USH2A: variants seen among roughly 807,000 people sequenced by gnomAD.
USH2A encodes usherin.
A neutral mutation model predicts 538.9 loss-of-function variants in USH2A; 443 were observed. That is an observed-to-expected ratio of 0.82 (90% CI 0.76 to 0.89). The LOEUF is 0.89. Ranked by LOEUF, USH2A falls within the 40% of genes least tolerant of loss-of-function variation. USH2A has a pLI of 0.00. For synonymous variants in USH2A, 2,413 were observed against 2,273.5 expected (o/e 1.06, Z -1.75); for missense variants, 6,633 against 6,324.8 (o/e 1.05, Z -1.65).
intron 50 of USH2A, among the ~76,000 whole-genome samples, chr1:215,797,427 C>A (rs1386984976): frequency 6.6e-6 from 1 of 152,076 alleles, no homozygotes; most frequent in Non-Finnish European, 1.5e-5. Context: ...AAGAAGATGC[C>A]AACTAGAGCT....
chr1:216,242,189 T>TAA lies in USH2A; in HGVS notation c.2809+4394_2809+4395dup, dbSNP rs11435772. ...ACACGGTGAAACCCCATCTCTGCTT[T>TAA]AAAAAAAAAAAAAATACAAAAAATT... On this transcript the variant is annotated intron_variant, in intron 13 of 71. Transcript: ENST00000307340. Among the ~76,000 whole-genome samples, 643 of 146,538 alleles carry TAA rather than the reference T, an allele frequency of 4.4e-3. 14 individuals are homozygous for TAA. Among genetic ancestry groups the TAA allele is most frequent in the African/African-American group, 3.9e-3 (156 of 39,994 alleles).
intron 38 of USH2A, among the ~76,000 whole-genome samples, chr1:215,912,453 G>GTATATATATATATA (rs780000613): frequency 3.7e-4 from 16 of 42,972 alleles, no homozygotes; most frequent in African/African-American, 8.6e-4. Context: ...GTAGGTATGT[G>GTATATATATATATA]TATATATATA....
intron 32 of USH2A, among the ~76,000 whole-genome samples, chr1:216,030,078 G>T (rs1669066163): frequency 7.0e-6 from 1 of 141,922 alleles, no homozygotes; most frequent in African/African-American, 2.6e-5. Context: ...TATAATATAT[G>T]ATATATATGA....
At chr1:216,302,623 G>C (rs1014594107) in intron 9 of USH2A, among the ~76,000 whole-genome samples, 1 of 152,032 alleles carries the variant, frequency 6.6e-6, no homozygotes, top group Non-Finnish European at 1.5e-5. Flanking sequence ...GGACAATACT[G>C]ATCAAACATA....
chr1:215,904,721 C>T (rs749972490), intron 38 of USH2A, among the ~76,000 whole-genome samples: 1 of 152,024 alleles, frequency 6.6e-6, no homozygotes, highest in Non-Finnish European at 1.5e-5. Flanking sequence ...CCTGAATCAA[C>T]ACATCTTGTC....
At chr1:216,238,994 G>A (rs2035881885) in intron 13 of USH2A, among the ~76,000 whole-genome samples, 1 of 151,902 alleles carries the variant, frequency 6.6e-6, no homozygotes, top group South Asian at 2.1e-4. Flanking sequence ...ACATTTTACT[G>A]TGCACATTGC....
intron 32 of USH2A, among the ~76,000 whole-genome samples, chr1:216,017,153 C>T (rs1013901955): frequency 6.6e-6 from 1 of 151,958 alleles, no homozygotes; most frequent in African/African-American, 2.4e-5. Context: ...TTCATCCATC[C>T]ATCCCTTCCT....
intron 48 of USH2A, among the ~76,000 whole-genome samples, 182 bp downstream of exon 48, chr1:215,816,815 A>G (rs971830973): frequency 6.6e-6 from 1 of 152,096 alleles, no homozygotes; most frequent in African/African-American, 2.4e-5. Flanking sequence ...AAAAATGGGA[A>G]GGCTAAAGTG....
chr1:216,227,591 A>G (rs1572068804), intron 14 of USH2A, among the ~76,000 whole-genome samples: 3 of 152,334 alleles, frequency 2.0e-5, no homozygotes, highest in African/African-American at 7.2e-5. Context: ...AGGACTGGGA[A>G]CAGGTTATTT....
intron 3 of USH2A, among the ~76,000 whole-genome samples, chr1:216,393,349 A>G (rs934506177): frequency 1.3e-5 from 2 of 152,368 alleles, no homozygotes; most frequent in Middle Eastern, 3.4e-3. Flanking sequence ...AATTTAATCA[A>G]GGAAGTTCCT....
intron 60 of USH2A, among the ~76,000 whole-genome samples, chr1:215,731,748 T>C (rs1424806223): frequency 6.6e-6 from 1 of 152,156 alleles, no homozygotes; most frequent in Non-Finnish European, 1.5e-5. Flanking sequence ...TCAAAAGCAA[T>C]TAAAACAAAA....
chr1:215,728,003 G>A, intron 61 of USH2A, 27 bp downstream of exon 61: 7 of 1,606,094 alleles, frequency 4.4e-6, no homozygotes, highest in African/African-American at 1.3e-5. Flanking sequence ...TAATCTGCAT[G>A]TCTGTTACTT....
chr1:216,074,283 G>T (rs1431733421), intron 27 of USH2A, among the ~76,000 whole-genome samples: 1 of 150,878 alleles, frequency 6.6e-6, no homozygotes, highest in Non-Finnish European at 1.5e-5. Context: ...CACGAAATTG[G>T]GACAAACAGG....
At chr1:216,371,533 C>A (rs1443347719) in intron 3 of USH2A, among the ~76,000 whole-genome samples, 1 of 152,150 alleles carries the variant, frequency 6.6e-6, no homozygotes, top group Admixed American at 6.5e-5. Context: ...CTGCTTACAT[C>A]AACAGCTAAT....
intron 61 of USH2A, among the ~76,000 whole-genome samples, chr1:215,681,585 A>C (rs1658232721): frequency 6.6e-6 from 1 of 152,222 alleles, no homozygotes; most frequent in Non-Finnish European, 1.5e-5. Context: ...AACATCAGAA[A>C]AAATTATGTG....
intron 38 of USH2A, among the ~76,000 whole-genome samples, chr1:215,904,332 C>G (rs1449493199): frequency 1.3e-5 from 2 of 152,078 alleles, no homozygotes; most frequent in East Asian, 1.9e-4. Context: ...CACGAATTCT[C>G]TTCTGAGTAA....
chr1:215,692,276 T>G (rs559061202), intron 61 of USH2A, among the ~76,000 whole-genome samples: 39 of 152,196 alleles, frequency 2.6e-4, no homozygotes, highest in South Asian at 1.9e-3. Context: ...TATATTCTTT[T>G]GAGAAGTTTG....
intron 21 of USH2A, among the ~76,000 whole-genome samples, chr1:216,102,008 T>C (rs952467790): frequency 6.6e-6 from 1 of 152,156 alleles, no homozygotes; most frequent in East Asian, 1.9e-4. Context: ...AGGCAAAGAA[T>C]TCTTAAACGA....
intron 13 of USH2A, among the ~76,000 whole-genome samples, chr1:216,234,968 T>C (rs1469002211): frequency 6.6e-6 from 1 of 152,104 alleles, no homozygotes; most frequent in Non-Finnish European, 1.5e-5. Context: ...TTGGGGTTAA[T>C]TCCCCTCCTC....
Sources: allele counts gnomAD v4.1 joint callset (sites outside exome capture counted in the v4.1 genomes callset), GRCh38; gene constraint gnomAD v4.1.1; transcripts MANE v1.5; gene names NCBI Gene and HGNC (gene_info 2026-07-23, HGNC 2026-07-21).